The following NCOA4 variants were observed in gnomAD, a reference collection of about 807,000 sequenced individuals.
NCOA4 encodes the protein nuclear receptor coactivator 4, also known as 70 kDa AR-activator.
A neutral mutation model predicts 69.5 loss-of-function variants in NCOA4; 31 were observed. The observed-to-expected ratio is 0.45, with a 90% CI of 0.34 to 0.60. The LOEUF (loss-of-function observed/expected upper bound fraction) is 0.60, where lower values mean the gene tolerates loss of function less well. Ranked by LOEUF, NCOA4 falls within the 20% of genes least tolerant of loss-of-function variation. The pLI, the probability that NCOA4 is intolerant of heterozygous loss-of-function variation, is 0.02. For missense variants in NCOA4, 600 were observed against 719.2 expected, an observed-to-expected ratio of 0.83 and a Z score of 1.90; for synonymous variants, 228 against 252.4, an observed-to-expected ratio of 0.90 and a Z score of 0.92.
chr10:46,017,508 A>C (rs1188348506), intron 1 of NCOA4, among the ~76,000 whole-genome samples: 2 of 152,144 alleles, frequency 1.3e-5, no homozygotes, highest in Non-Finnish European at 2.9e-5. Flanking sequence ...TTGCACCTGC[A>C]CTCCACCCTG....
At chr10:46,022,468 G>GTT (rs782520160) in intron 1 of NCOA4, 16 of 415,450 alleles carry the variant, frequency 3.9e-5, no homozygotes, top group African/African-American at 8.5e-5. Flanking sequence ...TTGGTTTTGG[G>GTT]TTTTTTTTTT....
At position 46,014,549 on chromosome 10, in the gene NCOA4, C is replaced by T. The variant is rs1554922598; in HGVS notation, c.375G>A (p.Leu125=). Residue 125 remains leucine, a synonymous_variant, in exon 5 of 10, where the codon CTG becomes CTA. Transcript: ENST00000581486. ...ANQVSVCLER[L]GSLTLKPEDS... ...CTTCAGGCTTAAGGGTCAAACTGCC[C>T]AGTCTGGGGAAAAAAAAACAAAATT... 23 of 1,596,720 alleles carry T rather than the reference C, an allele frequency of 1.4e-5. No homozygotes were observed. Among genetic ancestry groups the T allele is most frequent in the Admixed American group, 3.6e-5 (2 of 55,670 alleles).
At chr10:46,011,983 C>G (rs370257960) in intron 7 of NCOA4, among the ~76,000 whole-genome samples, 11 of 142,892 alleles carry the variant, frequency 7.7e-5, no homozygotes, top group African/African-American at 2.3e-4. Flanking sequence ...ATGGCATGAA[C>G]CCGCAGGACG....
At position 46,009,442 on chromosome 10, in the gene NCOA4, T is replaced by C; in HGVS notation, c.1808A>G (p.Lys603Arg). The change falls in exon 9 of 10, where the codon AAA (lysine) becomes AGA (arginine). Residue 603 changes from lysine to arginine, a missense_variant. Transcript: ENST00000581486. ...LFACMQLKVD[K>R]EKWLYRTPLQ... ...AGGAGTTCGATATAACCACTTCTCT[T>C]TATCAACTTTAAGCTGCATACAGGC... is the stretch of plus-strand genomic sequence containing the variant. 1 of 1,613,080 alleles carries C rather than the reference T, an allele frequency of 6.2e-7. No homozygotes were observed. Among genetic ancestry groups the C allele is most frequent in the South Asian group, 1.1e-5 (1 of 90,984 alleles).
chr10:46,009,273 C>T, intron 9 of NCOA4, 138 bp downstream of exon 9: 1 of 1,479,066 alleles, frequency 6.8e-7, no homozygotes, highest in East Asian at 2.4e-5. Flanking sequence ...GCTCCCCCGT[C>T]CCACCCTCAC....
intron 9 of NCOA4, 45 bp from the exon 10 acceptor site, chr10:46,006,642 T>A (rs1564917231): frequency 6.2e-7 from 1 of 1,606,778 alleles, no homozygotes; most frequent in Admixed American, 1.7e-5. Context: ...CAATGAAGAA[T>A]AAAAGCAAAT....
At chr10:46,009,947 G>A (rs1428288803) in intron 8 of NCOA4, among the ~76,000 whole-genome samples, 3 of 152,088 alleles carry the variant, frequency 2.0e-5, no homozygotes, top group Admixed American at 6.5e-5. Context: ...CGGGCAGATC[G>A]CTTAAGCTCA....
chr10:46,023,409 C>G, intron 1 of NCOA4: 1 of 985,744 alleles, frequency 1.0e-6, no homozygotes, highest in Non-Finnish European at 1.2e-6. Flanking sequence ...GCGAAAGGTC[C>G]CCGAGCCCGG....
intron 1 of NCOA4, among the ~76,000 whole-genome samples, chr10:46,027,268 CAAA>C (rs34282889): frequency 3.8e-5 from 3 of 79,706 alleles, no homozygotes; most frequent in Non-Finnish European, 7.4e-5. Context: ...GACTCCGTCT[CAAA>C]AAAAAAAAAA....
chr10:46,014,753 G>GAAGT, intron 4 of NCOA4, 101 bp downstream of exon 4: 1 of 959,018 alleles, frequency 1.0e-6, no homozygotes, highest in South Asian at 1.5e-5. Flanking sequence ...TAGCAACACA[G>GAAGT]AAGTTAAATA....
At chr10:46,026,354 C>T (rs937586893) in intron 1 of NCOA4, among the ~76,000 whole-genome samples, 2 of 152,132 alleles carry the variant, frequency 1.3e-5, no homozygotes, top group African/African-American at 2.4e-5. Flanking sequence ...CAAATAGCAG[C>T]AAGATTGTGG....
Position 46,010,764 on chromosome 10 carries a change from G to A in NCOA4, c.1157C>T (p.Thr386Ile), listed in dbSNP as rs1471424373. The A allele has an allele frequency of 1.9e-6, 3 of 1,613,794 alleles. No individual in the cohort carries two copies. The African/African-American group carries it at 4.0e-5, about 22-fold the overall frequency. ...KKPLSTPSMVTEDWLVQNHQD... is the reference protein window; with the variant it reads ...KKPLSTPSMVIEDWLVQNHQD... ...ATGGTTCTGGACAAGCCAATCCTCT[G>A]TAACCATGCTGGGGGTGGACAATGG... The change falls in exon 8 of 10, where the codon ACA (threonine) becomes ATA (isoleucine). Residue 386 changes from threonine (T) to isoleucine (I), a missense_variant. Physicochemically the swap from Thr to Ile is moderately conservative, Grantham distance 89 (BLOSUM62 -1). Coordinates refer to ENST00000581486, the MANE Select transcript of NCOA4 (RefSeq NM_001145263.2).
At position 46,006,986 on chromosome 10, in the gene NCOA4, C is replaced by A. The variant is rs569850734; in HGVS notation, c.1840-389G>T. Among the ~76,000 whole-genome samples, 368 of 152,286 alleles carry A rather than the reference C, an allele frequency of 2.4e-3. 17 individuals are homozygous for A. In the South Asian group the frequency reaches 0.073, roughly 30 times the overall value. ...AAATGATTAAACTTAGCGAGAAAGT[C>A]ATGTTGAAGGCCACGAGAGGCTGAA... On this transcript the variant is annotated intron_variant, in intron 9 of 9. Coordinates refer to ENST00000581486, the MANE Select transcript of NCOA4 (RefSeq NM_001145263.2).
chr10:46,012,845 CTG>C, intron 7 of NCOA4, 36 bp downstream of exon 7: 1 of 1,608,344 alleles, frequency 6.2e-7, no homozygotes, highest in Non-Finnish European at 8.5e-7. Context: ...CCACCTACTG[CTG>C]TGTCTACTGT....
At chr10:46,010,188 A>C (rs782305796) in intron 8 of NCOA4, 35 bp downstream of exon 8, 11 of 1,551,368 alleles carry the variant, frequency 7.1e-6, no homozygotes, top group Non-Finnish European at 9.5e-6. Flanking sequence ...AATAAATAAA[A>C]CTCAAACCAG....
chr10:46,024,033 G>A (rs1296310292), intron 1 of NCOA4, among the ~76,000 whole-genome samples: 1 of 152,188 alleles, frequency 6.6e-6, no homozygotes, highest in Non-Finnish European at 1.5e-5. Context: ...CACCAAAGGG[G>A]AACACTAAGG....
rs1839144889 is a variant in NCOA4 at position 46,010,521 on chromosome 10, ACTT to A, written c.1397_1399del (p.Glu466del). ...CTTTGGTGCTTTAGTTTGTTCTATT[ACTT>A]CTTTTCTAGGACAGAGCCACATATT... is the stretch of plus-strand genomic sequence containing the variant. On this transcript the variant is annotated inframe_deletion, in exon 8 of 10. Coordinates refer to ENST00000581486, the MANE Select transcript of NCOA4 (RefSeq NM_001145263.2). 1 of 1,613,968 alleles carries A rather than the reference ACTT, an allele frequency of 6.2e-7. No individual in the cohort carries two copies. The highest frequency in any genetic ancestry group is 1.7e-5 in the Admixed American group (1 of 59,990).
chr10:46,020,905 T>A (rs1338847012), intron 1 of NCOA4, among the ~76,000 whole-genome samples: 1 of 152,210 alleles, frequency 6.6e-6, no homozygotes, highest in East Asian at 1.9e-4. Context: ...AATGTTTATG[T>A]TTTGAGACAA....
intron 1 of NCOA4, among the ~76,000 whole-genome samples, chr10:46,025,800 T>C (rs1840131481): frequency 6.6e-6 from 1 of 150,780 alleles, no homozygotes; most frequent in Non-Finnish European, 1.5e-5. Flanking sequence ...GCCTGTAACA[T>C]ATGTTACCCT....
Sources: allele counts gnomAD v4.1 joint callset (sites outside exome capture counted in the v4.1 genomes callset), GRCh38; gene constraint gnomAD v4.1.1; transcripts MANE v1.5; gene names NCBI Gene and HGNC (gene_info 2026-07-23, HGNC 2026-07-21).